PKHD1L1: variants seen among roughly 807,000 people sequenced by gnomAD.
PKHD1L1 encodes the protein PKHD1 like 1, also known as fibrocystin-L.
In PKHD1L1, 434 loss-of-function variants were observed where a neutral mutation model predicts 462.9. The observed-to-expected ratio is 0.94, with a 90% CI of 0.87 to 1.02. The LOEUF (loss-of-function observed/expected upper bound fraction) is 1.02, where lower values mean the gene tolerates loss of function less well. PKHD1L1 is among the 50% of genes least tolerant of loss of function. PKHD1L1 has a pLI of 0.00. For missense variants in PKHD1L1, 5,202 were observed against 5,096.1 expected (o/e 1.02, Z -0.63); for synonymous variants, 1,781 against 1,750.0 (o/e 1.02, Z -0.44).
At chr8:109,400,020 T>C (rs997298932) in intron 12 of PKHD1L1, 56 bp from the exon 13 acceptor site, 9 of 1,507,626 alleles carry the variant, frequency 6.0e-6, no homozygotes, top group African/African-American at 2.8e-5. Flanking sequence ...TAGAAAGCCA[T>C]TGAGGCATTG....
At chr8:109,400,003 A>T (rs1266180998) in intron 12 of PKHD1L1, 73 bp from the exon 13 acceptor site, 2 of 1,443,886 alleles carry the variant, frequency 1.4e-6, no homozygotes, top group Non-Finnish European at 1.9e-6. Context: ...TATAACCAAC[A>T]TCCAAATAGA....
Position 109,498,755 on chromosome 8 carries a change from C to A in PKHD1L1, c.10812C>A (p.Gly3604=). Reference sequence around the variant, plus strand: ...TCATGAGTTACAATGCCATCAGTGGCCTTTTGGACATCTCAGGCAAGTACA... The same window carrying A: ...TCATGAGTTACAATGCCATCAGTGGACTTTTGGACATCTCAGGCAAGTACA... ...AGIMSYNAIS[G]LLDISGSTFV... is the part of the protein sequence containing the mutation. The change falls in exon 67 of 78, where the codon GGC becomes GGA. Residue 3604 remains glycine, a synonymous_variant. Coordinates refer to ENST00000378402, the MANE Select transcript of PKHD1L1 (RefSeq NM_177531.6). 6.2e-7 allele frequency: 1 copy of A among 1,612,242 alleles called. No individual in the cohort carries two copies. Among genetic ancestry groups the A allele is most frequent in the Non-Finnish European group, 8.5e-7 (1 of 1,178,462 alleles).
rs116152196 is a variant in PKHD1L1, at chr8:109,423,650, T to C, written c.2698-1435T>C. ...AAATTTTAAAATAAGATTATTTATG[T>C]CTACAAAAAAACCTTGCTGGTATTT... On this transcript the variant is annotated intron_variant, in intron 23 of 77. Transcript: ENST00000378402. Among the ~76,000 whole-genome samples the C allele has an allele frequency of 4.0e-3, 611 of 152,308 alleles. 3 individuals carry two copies. The highest frequency in any genetic ancestry group is 0.014 in the African/African-American group (585 of 41,578).
chr8:109,448,374 A>AT lies in PKHD1L1; in HGVS notation c.6009dup (p.Ile2004TyrfsTer2). On this transcript the variant is annotated frameshift_variant, in exon 39 of 78. Coordinates refer to ENST00000378402, the MANE Select transcript of PKHD1L1 (RefSeq NM_177531.6). LOFTEE classifies it high-confidence loss of function. ...TTTGAGTACCCGCTTAATATTCAAA[A>AT]TATTAATCCAAGCCAAGGTAGTCAT... 1 of 1,612,268 alleles carries AT rather than the reference A, an allele frequency of 6.2e-7. No individual in the cohort carries two copies. The highest frequency in any genetic ancestry group is 1.1e-5 in the South Asian group (1 of 90,722).
chr8:109,493,224 AATAT>A (rs1410976530), intron 62 of PKHD1L1, among the ~76,000 whole-genome samples: 49 of 148,026 alleles, frequency 3.3e-4, no homozygotes, highest in African/African-American at 1.2e-3. Context: ...CTTTTATATA[AATAT>A]ATATTTATAT....
Position 109,535,631 on chromosome 8 carries a change from A to G in PKHD1L1, c.*5541A>G, listed in dbSNP as rs1178626375. ...TTAAAAAGCAACAATCAAGACACAT[A>G]TCCTCCTAAGTGAATTTGAATTAGA... is the stretch of plus-strand genomic sequence containing the variant. On this transcript the variant is annotated 3_prime_UTR_variant, in exon 78 of 78. Coordinates refer to ENST00000378402, the MANE Select transcript of PKHD1L1 (RefSeq NM_177531.6). 6.6e-6 allele frequency among the ~76,000 whole-genome samples: 1 copy of G among 152,232 alleles called. No homozygotes were observed. The highest frequency in any genetic ancestry group is 2.4e-5 in the African/African-American group (1 of 41,472).
chr8:109,367,652 G>T (rs529980830), intron 2 of PKHD1L1, among the ~76,000 whole-genome samples: 1 of 152,356 alleles, frequency 6.6e-6, no homozygotes, highest in East Asian at 1.9e-4. Flanking sequence ...GGAAGCTAAG[G>T]CAGAAGGATC....
intron 46 of PKHD1L1, 108 bp from the exon 47 acceptor site, chr8:109,459,487 A>G (rs1438713185): frequency 2.6e-6 from 2 of 779,378 alleles, no homozygotes; most frequent in Non-Finnish European, 3.8e-6. Flanking sequence ...ACATAAGAAT[A>G]GTTTCCTATT....
chr8:109,375,640 C>G (rs572196488), intron 2 of PKHD1L1, among the ~76,000 whole-genome samples: 1 of 151,802 alleles, frequency 6.6e-6, no homozygotes, highest in East Asian at 1.9e-4. Context: ...TTTTATCTAC[C>G]TTTGGTCTTT....
At chr8:109,511,783 G>A (rs1227672645) in intron 71 of PKHD1L1, among the ~76,000 whole-genome samples, 199 of 152,152 alleles carry the variant, frequency 1.3e-3, no homozygotes, top group African/African-American at 4.5e-3. Context: ...GACTTCCACA[G>A]GGGTTGAACT....
chr8:109,442,354 G>A (rs1394344214), intron 35 of PKHD1L1, among the ~76,000 whole-genome samples, 159 bp downstream of exon 35: 3 of 152,130 alleles, frequency 2.0e-5, no homozygotes, highest in Non-Finnish European at 4.4e-5. Context: ...TGTTACTAAT[G>A]AGTGTAAGCA....
Position 109,483,022 on chromosome 8 carries a change from C to T in PKHD1L1, c.9493C>T (p.His3165Tyr). ...FGELDLHGIP[H>Y]SIYKTKLSET... ...TGAGCTGGATCTTCATGGAATTCCACATTCAATATATAAAACTAAGCTCTC... is the reference window on the plus strand; with the variant it reads ...TGAGCTGGATCTTCATGGAATTCCATATTCAATATATAAAACTAAGCTCTC... Residue 3165 changes from histidine to tyrosine, a missense_variant, in exon 57 of 78, where the codon CAT becomes TAT. Around this residue, in one of 3 missense-constraint regions of PKHD1L1, gnomAD observed 4,497 missense variants for 4,336.8 expected, o/e 1.04. Coordinates refer to ENST00000378402, the MANE Select transcript of PKHD1L1 (RefSeq NM_177531.6). 6.3e-7 allele frequency: 1 copy of T among 1,595,564 alleles called. No individual in the cohort carries two copies. The highest frequency in any genetic ancestry group is 2.3e-5 in the East Asian group (1 of 43,554).
At chr8:109,434,290 A>T (rs1420883186) in intron 28 of PKHD1L1, among the ~76,000 whole-genome samples, 1 of 152,012 alleles carries the variant, frequency 6.6e-6, no homozygotes, top group Non-Finnish European at 1.5e-5. Context: ...CAACTCATGA[A>T]ATCCTCAATA....
intron 34 of PKHD1L1, 82 bp from the exon 35 acceptor site, chr8:109,441,925 T>C: frequency 8.5e-7 from 1 of 1,183,374 alleles, no homozygotes; most frequent in Non-Finnish European, 1.1e-6. Flanking sequence ...CTACTGACTG[T>C]ATATAAATTG....
chr8:109,448,963 T>A (rs889016924), intron 39 of PKHD1L1, among the ~76,000 whole-genome samples: 1 of 152,136 alleles, frequency 6.6e-6, no homozygotes, highest in African/African-American at 2.4e-5. Flanking sequence ...AGTATCTTTT[T>A]TATTTAAAAA....
chr8:109,522,368 T>A (rs773964307), intron 74 of PKHD1L1, 31 bp downstream of exon 74: 20 of 1,498,510 alleles, frequency 1.3e-5, no homozygotes, highest in Non-Finnish European at 1.7e-5. Flanking sequence ...AAAATGCATT[T>A]TTTGGGACTT....
intron 76 of PKHD1L1, among the ~76,000 whole-genome samples, chr8:109,523,641 A>G (rs1381790536): frequency 6.6e-6 from 1 of 152,212 alleles, no homozygotes; most frequent in Admixed American, 6.5e-5. Flanking sequence ...TACTTTCCTA[A>G]ATTTGCTCAC....
chr8:109,382,499 T>A lies in PKHD1L1; in HGVS notation c.345T>A (p.Ser115Arg). The change falls in exon 4 of 78, where the codon AGT (serine) becomes AGA (arginine). Residue 115 changes from serine to arginine, a missense_variant. Ser to Arg is a moderately radical substitution (Grantham distance 110). This residue lies in a region of PKHD1L1 where 4,497 missense variants were observed against 4,336.8 expected (regional missense o/e 1.04). Coordinates refer to ENST00000378402, the MANE Select transcript of PKHD1L1 (RefSeq NM_177531.6). ...MPEDSYTVRV[S>R]VDGVPVTENN... ...AAGATTCCTACACTGTTAGAGTCAGTGTGGACGGGGTTCCTGTTACGGAAA... is the reference window on the plus strand; with the variant it reads ...AAGATTCCTACACTGTTAGAGTCAGAGTGGACGGGGTTCCTGTTACGGAAA... The A allele has an allele frequency of 6.2e-7, 1 of 1,612,286 alleles. No individual in the cohort carries two copies. The highest frequency in any genetic ancestry group is 8.5e-7 in the Non-Finnish European group (1 of 1,179,054).
intron 67 of PKHD1L1, among the ~76,000 whole-genome samples, chr8:109,502,144 C>G (rs1219506557): frequency 6.6e-6 from 1 of 152,120 alleles, no homozygotes; most frequent in Non-Finnish European, 1.5e-5. Flanking sequence ...TGTAATACAT[C>G]CAATATAATA....
Sources: gnomAD v4.1 joint callset for allele counts (sites outside exome capture counted in the v4.1 genomes callset) on GRCh38, gnomAD v4.1.1 for gene constraint, gnomAD v4.1.1 regional missense constraint, MANE v1.5 for transcripts, NCBI Gene and HGNC (gene_info 2026-07-23, HGNC 2026-07-21) for gene names.